Variants in CD8B observed in about 807,000 individuals in gnomAD.
The protein encoded by CD8B is CD8 subunit beta, also known as T-cell surface glycoprotein CD8 beta chain.
In CD8B, 6 loss-of-function variants were observed where a neutral mutation model predicts 24.2. That is an observed-to-expected ratio of 0.25 (90% CI 0.14 to 0.49). The LOEUF is 0.49. CD8B is among the 20% of genes least tolerant of loss of function. CD8B has a pLI of 0.98. For synonymous variants in CD8B, 84 were observed against 108.3 expected (o/e 0.78, Z 1.39); for missense variants, 196 against 271.3 (o/e 0.72, Z 1.95).
At chr2:86,831,045 G>C (rs370649123) in intron 5 of CD8B, among the ~76,000 whole-genome samples, 2 of 151,968 alleles carry the variant, frequency 1.3e-5, no homozygotes, top group East Asian at 3.9e-4. Context: ...CAATTGTCTC[G>C]GCACTCTTTA....
chr2:86,848,342 T>C (rs1675790841), intron 3 of CD8B, among the ~76,000 whole-genome samples: 1 of 152,256 alleles, frequency 6.6e-6, no homozygotes, highest in Admixed American at 6.5e-5. Context: ...TAATTTCTTA[T>C]AAGCTTTGGC....
At chr2:86,834,174 A>G (rs1037446466), downstream of CD8B, among the ~76,000 whole-genome samples, 1 of 152,032 alleles carries the variant, frequency 6.6e-6, no homozygotes, top group Non-Finnish European at 1.5e-5. Context: ...ACAGTCCCTA[A>G]TTCATATTAA....
At chr2:86,816,110 T>A (rs1030123571) in intron 5 of CD8B, among the ~76,000 whole-genome samples, 1 of 152,214 alleles carries the variant, frequency 6.6e-6, no homozygotes, top group Non-Finnish European at 1.5e-5. Flanking sequence ...ATTTCAATAG[T>A]GTCTGACCTG....
chr2:86,844,732 T>A (rs867165384), intron 5 of CD8B, 190 bp downstream of exon 5: 1 of 1,522,384 alleles, frequency 6.6e-7, no homozygotes, highest in Non-Finnish European at 8.9e-7. Context: ...AGCCTTGAAC[T>A]CCTGGGCTCA....
rs557293980 is a variant in CD8B at position 86,854,542 on chromosome 2, C to T, written c.404-1456G>A. Among the ~76,000 whole-genome samples the T allele has an allele frequency of 8.5e-5, 13 of 152,286 alleles. 1 individual carries two copies. The South Asian group carries it at 2.7e-3, about 32-fold the overall frequency. ...GGACCCCAAACCCCTGTCCTGACTC[C>T]TGGATGGGTCACCCCTCTCCTTCAT... On this transcript the variant is annotated intron_variant, in intron 2 of 5. Transcript: ENST00000390655.
Position 86,842,104 on chromosome 2 carries a change from T to G in CD8B, c.*203A>C. ...GTGCCCTGGGGGCAATGAAACCTTC[T>G]CCCTAGTATTCCCGATGACCCACGA... On this transcript the variant is annotated 3_prime_UTR_variant, in exon 6 of 6. Transcript: ENST00000390655. The G allele has an allele frequency of 7.3e-7, 1 of 1,365,062 alleles. No individual in the cohort carries two copies. The highest frequency in any genetic ancestry group is 3.5e-5 in the Admixed American group (1 of 28,382). The allele number at this position is 1,365,062 out of a possible 1,614,324, so 84.6% of individuals were successfully genotyped here.
At chr2:86,816,499 C>A (rs2104483902) in intron 5 of CD8B, among the ~76,000 whole-genome samples, 1 of 152,182 alleles carries the variant, frequency 6.6e-6, no homozygotes, top group South Asian at 2.1e-4. Flanking sequence ...GGGGGGGACC[C>A]ATTATTCCAC....
Position 86,839,546 on chromosome 2 carries a change from C to T in CD8B, c.*2761G>A, listed in dbSNP as rs2104534306. Among the ~76,000 whole-genome samples the T allele has an allele frequency of 6.6e-6, 1 of 152,366 alleles. No homozygotes were observed. Among genetic ancestry groups the T allele is most frequent in the East Asian group, 1.9e-4 (1 of 5,188 alleles). On this transcript the variant is annotated 3_prime_UTR_variant, in exon 6 of 6. Coordinates refer to ENST00000390655, the MANE Select transcript of CD8B (RefSeq NM_004931.5). ...ACAAAGGTCAGGTGCTGGGTGCAGA[C>T]CTTCTCACCGCAGCCCCCACCATTG...
chr2:86,853,499 CT>C (rs1295431247), intron 2 of CD8B, among the ~76,000 whole-genome samples: 2 of 151,852 alleles, frequency 1.3e-5, no homozygotes, highest in Non-Finnish European at 2.9e-5. Flanking sequence ...TACTGAAGTC[CT>C]TATGACTGTT....
chr2:86,847,596 C>T (rs1184317147), intron 3 of CD8B, among the ~76,000 whole-genome samples: 20 of 152,200 alleles, frequency 1.3e-4, no homozygotes, highest in Admixed American at 1.0e-3. Context: ...CACACAGTCT[C>T]GCTCTGTCGC....
chr2:86,818,107 G>A (rs944385012), intron 5 of CD8B, among the ~76,000 whole-genome samples: 5 of 152,104 alleles, frequency 3.3e-5, no homozygotes, highest in Admixed American at 2.6e-4. Flanking sequence ...CTACTCAGGA[G>A]GCTGAGGCAG....
downstream of CD8B, among the ~76,000 whole-genome samples, chr2:86,837,749 C>T (rs565010233): frequency 2.9e-4 from 33 of 115,288 alleles, 1 homozygote; most frequent in African/African-American, 6.6e-4. Context: ...TTGAACAGGC[C>T]GGGGTGGGCT....
At chr2:86,817,600 TA>T (rs1674306449) in intron 5 of CD8B, among the ~76,000 whole-genome samples, 1 of 152,170 alleles carries the variant, frequency 6.6e-6, no homozygotes, top group Non-Finnish European at 1.5e-5. Flanking sequence ...TGTCATTGTT[TA>T]TAGATACTTA....
At chr2:86,858,737 TTG>T (rs1676418245) in intron 1 of CD8B, among the ~76,000 whole-genome samples, 1 of 147,626 alleles carries the variant, frequency 6.8e-6, no homozygotes, top group South Asian at 2.2e-4. Flanking sequence ...CAAACTGGCT[TTG>T]GAATTTTTTA....
intron 5 of CD8B, 138 bp downstream of exon 5, chr2:86,844,784 A>T: frequency 6.5e-7 from 1 of 1,539,746 alleles, no homozygotes; most frequent in East Asian, 2.5e-5. Flanking sequence ...CTGTGACTAC[A>T]GGTGTGCACT....
chr2:86,842,180 A>C lies in CD8B; in HGVS notation c.*127T>G. The C allele has an allele frequency of 4.7e-6, 7 of 1,490,210 alleles. No homozygotes were observed. Among genetic ancestry groups the C allele is most frequent in the Non-Finnish European group, 6.2e-6 (7 of 1,120,366 alleles). The allele number at this position is 1,490,210 out of a possible 1,614,324, so 92.3% of individuals were successfully genotyped here. On this transcript the variant is annotated 3_prime_UTR_variant, in exon 6 of 6. Coordinates refer to ENST00000390655, the MANE Select transcript of CD8B (RefSeq NM_004931.5). ...CACAGAAAGGCCTTGCAGCAGTGAA[A>C]AGCAGGCAGCTTCAGCAGCCATTGA...
At chr2:86,844,707 A>C in intron 5 of CD8B, 7 of 1,493,926 alleles carry the variant, frequency 4.7e-6, no homozygotes. Flanking sequence ...CAGTGGTACC[A>C]TCATAGCTCA....
At chr2:86,858,469 G>A (rs1676400439) in intron 1 of CD8B, 53 bp from the exon 2 acceptor site, 1 of 1,526,428 alleles carries the variant, frequency 6.6e-7, no homozygotes, top group African/African-American at 1.4e-5. Context: ...CACAGCTGTG[G>A]GACCTTGCAG....
At position 86,846,687 on chromosome 2, in the gene CD8B, A is replaced by G. The variant is rs1424744358; in HGVS notation, c.580T>C (p.Cys194Arg). 3 of 1,566,812 alleles carry G rather than the reference A, an allele frequency of 1.9e-6. No individual in the cohort carries two copies. The highest frequency in any genetic ancestry group is 2.3e-5 in the South Asian group (2 of 85,232). Residue 194 changes from cysteine (C) to arginine (R), a missense_variant, in exon 4 of 6, where the codon TGC becomes CGC. Physicochemically the swap from Cys to Arg is radical, Grantham distance 180. Transcript: ENST00000390655. Reference protein sequence around the residue: ...LVSLGVAIHLCCRRRRARLRF... With the variant: ...LVSLGVAIHLRCRRRRARLRF... ...AACCCAAGAGGAGACAACTCACAGC[A>G]CAGGTGGATGGCCACTCCCAGGGAA...
Sources: gnomAD v4.1 joint callset for allele counts (sites outside exome capture counted in the v4.1 genomes callset) on GRCh38, gnomAD v4.1.1 for gene constraint, MANE v1.5 for transcripts, NCBI Gene and HGNC (gene_info 2026-07-23, HGNC 2026-07-21) for gene names.